Variants in EYS observed in about 807,000 individuals in gnomAD.
EYS encodes protein eyes shut homolog.
In EYS, 250 loss-of-function variants were observed where a neutral mutation model predicts 282.1. That is an observed-to-expected ratio of 0.89 (90% CI 0.80 to 0.98). EYS has a LOEUF of 0.98. Ranked by LOEUF, EYS falls within the 50% of genes least tolerant of loss-of-function variation. The pLI is 0.00. For missense variants in EYS, 4,016 were observed against 3,709.0 expected (o/e 1.08, Z -2.15); for synonymous variants, 1,355 against 1,282.9 (o/e 1.06, Z -1.20).
chr6:64,237,633 A>G (rs1207072911), intron 30 of EYS, among the ~76,000 whole-genome samples: 1 of 152,220 alleles, frequency 6.6e-6, no homozygotes, highest in Non-Finnish European at 1.5e-5. Context: ...TTTCAAAATC[A>G]TAAGAACATC....
intron 11 of EYS, chr6:65,302,397 T>C: frequency 3.0e-6 from 2 of 664,300 alleles, no homozygotes; most frequent in East Asian, 2.7e-5. Context: ...TAAAGACAAT[T>C]TCTGTGATCA....
chr6:65,236,174 T>C (rs965152553), intron 12 of EYS, among the ~76,000 whole-genome samples: 10 of 152,176 alleles, frequency 6.6e-5, no homozygotes, highest in Non-Finnish European at 1.2e-4. Context: ...ATCTTGAGGA[T>C]CCTAATATTA....
rs1764719231 is a variant in EYS at position 65,577,657 on chromosome 6, T to C, written c.-333+62121A>G. 2.6e-5 allele frequency among the ~76,000 whole-genome samples: 4 copies of C among 151,262 alleles called. No homozygotes were observed. The South Asian group carries it at 8.3e-4, about 31-fold the overall frequency. Reference sequence around the variant, plus strand: ...AGAGGCAGTCTACCAAATTGTAGAATATATTAGTAAACCATACATCTGATA... The same window carrying C: ...AGAGGCAGTCTACCAAATTGTAGAACATATTAGTAAACCATACATCTGATA... On this transcript the variant is annotated intron_variant, in intron 2 of 42. Transcript: ENST00000503581.
chr6:64,146,405 T>C (rs1295920207), intron 31 of EYS, among the ~76,000 whole-genome samples: 1 of 152,118 alleles, frequency 6.6e-6, no homozygotes, highest in East Asian at 1.9e-4. Context: ...AAAAGAAATA[T>C]TAGAGGCTTT....
At chr6:65,092,555 AATCTT>A (rs1774604919) in intron 12 of EYS, among the ~76,000 whole-genome samples, 1 of 152,204 alleles carries the variant, frequency 6.6e-6, no homozygotes, top group South Asian at 2.1e-4. Context: ...AATTTCATTG[AATCTT>A]ATCTTCTGAT....
At chr6:64,112,953 C>G (rs888552200) in intron 31 of EYS, among the ~76,000 whole-genome samples, 4 of 151,448 alleles carry the variant, frequency 2.6e-5, no homozygotes, top group Admixed American at 2.6e-4. Context: ...GCACTGGCAT[C>G]GTGAAAATGA....
intron 31 of EYS, among the ~76,000 whole-genome samples, chr6:64,203,347 G>A (rs1765521054): frequency 6.6e-6 from 1 of 152,134 alleles, no homozygotes; most frequent in African/African-American, 2.4e-5. Flanking sequence ...TTTGGTGGTG[G>A]GCATTACTGT....
chr6:64,031,064 T>C (rs563287764), intron 33 of EYS, among the ~76,000 whole-genome samples: 1 of 152,206 alleles, frequency 6.6e-6, no homozygotes, highest in South Asian at 2.1e-4. Flanking sequence ...TGGCAGCACA[T>C]GGGGAGCTTC....
chr6:64,328,089 T>C (rs1234824216), intron 29 of EYS, among the ~76,000 whole-genome samples: 2 of 152,228 alleles, frequency 1.3e-5, no homozygotes, highest in African/African-American at 4.8e-5. Flanking sequence ...CCTTCTCTAC[T>C]ACTGATCTCT....
chr6:65,375,207 G>T (rs951176844), intron 8 of EYS, among the ~76,000 whole-genome samples: 1 of 152,196 alleles, frequency 6.6e-6, no homozygotes, highest in African/African-American at 2.4e-5. Context: ...AATCTTTTCT[G>T]TTCTTCAGCC....
intron 41 of EYS, among the ~76,000 whole-genome samples, chr6:63,737,676 C>A (rs1452035308): frequency 6.6e-6 from 1 of 152,146 alleles, no homozygotes; most frequent in African/African-American, 2.4e-5. Context: ...CCAGTTCCTC[C>A]TTATACCTCT....
chr6:63,802,872 T>G (rs1159100120), intron 37 of EYS, among the ~76,000 whole-genome samples: 1 of 152,204 alleles, frequency 6.6e-6, no homozygotes, highest in African/African-American at 2.4e-5. Context: ...ACTTCACAGT[T>G]TATCAATCTG....
intron 28 of EYS, among the ~76,000 whole-genome samples, chr6:64,389,091 A>T (rs1773012101): frequency 6.6e-6 from 1 of 152,218 alleles, no homozygotes; most frequent in Non-Finnish European, 1.5e-5. Flanking sequence ...CCTGATAAAC[A>T]GATCTTTCTC....
chr6:65,084,592 C>CTAT (rs1774314025), intron 12 of EYS, among the ~76,000 whole-genome samples: 1 of 152,038 alleles, frequency 6.6e-6, no homozygotes, highest in Non-Finnish European at 1.5e-5. Context: ...TATGCCCTTC[C>CTAT]TATTCTAAGT....
chr6:64,968,884 T>A (rs1770193513), intron 14 of EYS, among the ~76,000 whole-genome samples: 1 of 152,168 alleles, frequency 6.6e-6, no homozygotes, highest in Non-Finnish European at 1.5e-5. Context: ...CCAGACCACA[T>A]CCAATCATTG....
chr6:64,072,514 G>T (rs1771619758), intron 32 of EYS, among the ~76,000 whole-genome samples: 1 of 151,676 alleles, frequency 6.6e-6, no homozygotes, highest in Non-Finnish European at 1.5e-5. Context: ...TTTTTTTCTG[G>T]AGTGGAGGTG....
At chr6:65,316,837 C>A (rs1327931979) in intron 11 of EYS, among the ~76,000 whole-genome samples, 5 of 152,102 alleles carry the variant, frequency 3.3e-5, no homozygotes, top group Non-Finnish European at 7.3e-5. Flanking sequence ...GCATAGTATT[C>A]CATGTTGTAT....
chr6:64,084,486 T>G (rs1476580163), intron 31 of EYS, among the ~76,000 whole-genome samples: 1 of 152,214 alleles, frequency 6.6e-6, no homozygotes, highest in Admixed American at 6.5e-5. Flanking sequence ...CTGTGTTTGC[T>G]AATTGGCTTT....
At chr6:64,268,299 G>A (rs1000622489) in intron 30 of EYS, among the ~76,000 whole-genome samples, 1 of 151,914 alleles carries the variant, frequency 6.6e-6, no homozygotes, top group Admixed American at 6.6e-5. Flanking sequence ...GAAAACAAGA[G>A]GCTATATATA....
Sources: gnomAD v4.1 joint callset for allele counts (sites outside exome capture counted in the v4.1 genomes callset) on GRCh38, gnomAD v4.1.1 for gene constraint, MANE v1.5 for transcripts, NCBI Gene and HGNC (gene_info 2026-07-23, HGNC 2026-07-21) for gene names.